Variants in CAMK2D observed in about 807,000 individuals in gnomAD.
The protein encoded by CAMK2D is calcium/calmodulin dependent protein kinase II delta, also known as calcium/calmodulin-dependent protein kinase type II subunit delta.
A neutral mutation model predicts 84.0 loss-of-function variants in CAMK2D; 37 were observed. That is an observed-to-expected ratio of 0.44 (90% confidence interval 0.34 to 0.58). CAMK2D has a LOEUF of 0.58. Among genes scored for constraint, CAMK2D ranks in the 20% least tolerant of loss-of-function variants. The pLI is 0.02. For synonymous variants in CAMK2D, 202 were observed against 212.5 expected, an observed-to-expected ratio of 0.95 and a Z score of 0.43; for missense variants, 448 against 652.5, an observed-to-expected ratio of 0.69 and a Z score of 3.41.
chr4:113,618,897 C>G (rs1332539709), intron 3 of CAMK2D, among the ~76,000 whole-genome samples: 1 of 152,008 alleles, frequency 6.6e-6, no homozygotes. Flanking sequence ...TCTAAGCCTT[C>G]GAGAGAACAG....
chr4:113,582,244 C>T (rs912359169), intron 4 of CAMK2D, among the ~76,000 whole-genome samples: 3 of 152,042 alleles, frequency 2.0e-5, no homozygotes, highest in Non-Finnish European at 2.9e-5. Flanking sequence ...ATAGGGTGTG[C>T]GTAGGATTTA....
At chr4:113,542,407 A>G (rs1309910479) in intron 6 of CAMK2D, among the ~76,000 whole-genome samples, 3 of 152,134 alleles carry the variant, frequency 2.0e-5, no homozygotes, top group Admixed American at 6.5e-5. Context: ...TGATATATCT[A>G]CTACCCATGG....
At chr4:113,700,941 G>A (rs1593238368) in intron 2 of CAMK2D, among the ~76,000 whole-genome samples, 1 of 152,212 alleles carries the variant, frequency 6.6e-6, no homozygotes, top group African/African-American at 2.4e-5. Context: ...CATCATCAGA[G>A]TAATTTCAAG....
intron 3 of CAMK2D, among the ~76,000 whole-genome samples, chr4:113,651,140 T>C (rs771542145): frequency 1.3e-5 from 2 of 152,196 alleles, no homozygotes; most frequent in Non-Finnish European, 2.9e-5. Context: ...CGTGAAAGAA[T>C]ATTTTAAGAG....
Position 113,543,768 on chromosome 4 carries a change from G to GTTTGTTTATTTA in CAMK2D, c.414+3875_414+3876insTAAATAAACAAA, listed in dbSNP as rs779428790. 3.0e-3 allele frequency among the ~76,000 whole-genome samples: 443 copies of GTTTGTTTATTTA among 146,710 alleles called. 1 individual carries two copies. The highest frequency in any genetic ancestry group is 0.01 in the African/African-American group (414 of 40,030). On this transcript the variant is annotated intron_variant, in intron 6 of 20. Coordinates refer to ENST00000511664, the MANE Select transcript of CAMK2D (RefSeq NM_001321571.2). ...CATAAAGAATCTATCTATCTATCAA[G>GTTTGTTTATTTA]TTTATTTATTTATTTATTTATTTAT...
intron 2 of CAMK2D, among the ~76,000 whole-genome samples, chr4:113,715,519 C>G (rs1217837743): frequency 2.0e-5 from 3 of 152,028 alleles, no homozygotes; most frequent in Non-Finnish European, 4.4e-5. Flanking sequence ...TCAACAGTAA[C>G]TAGAAAGTAT....
At chr4:113,670,577 C>T (rs1003656750) in intron 2 of CAMK2D, among the ~76,000 whole-genome samples, 9 of 151,912 alleles carry the variant, frequency 5.9e-5, no homozygotes, top group Admixed American at 2.0e-4. Context: ...ATAGTACTTT[C>T]CTTAGATGTA....
intron 2 of CAMK2D, among the ~76,000 whole-genome samples, chr4:113,691,166 C>T (rs2099385962): frequency 6.6e-6 from 1 of 152,164 alleles, no homozygotes; most frequent in Non-Finnish European, 1.5e-5. Flanking sequence ...GAACACCCTC[C>T]ATTAATATTA....
intron 2 of CAMK2D, among the ~76,000 whole-genome samples, chr4:113,743,081 A>G (rs1056715364): frequency 6.6e-6 from 1 of 152,162 alleles, no homozygotes; most frequent in Non-Finnish European, 1.5e-5. Flanking sequence ...TTCCAAAATG[A>G]CATCATTCTG....
Position 113,552,048 on chromosome 4 carries a change from G to A in CAMK2D, c.324C>T (p.Tyr108=), listed in dbSNP as rs1238748385. 6.3e-7 allele frequency: 1 copy of A among 1,583,240 alleles called. No homozygotes were observed. The highest frequency in any genetic ancestry group is 8.7e-7 in the Non-Finnish European group (1 of 1,154,614). Residue 108 remains tyrosine (Y), a synonymous_variant, in exon 5 of 21, where the codon TAC becomes TAT. Coordinates refer to ENST00000511664, the MANE Select transcript of CAMK2D (RefSeq NM_001321571.2). Reference sequence around the variant, plus strand: ...TCACTTACCTGGCATCAGCTTCACTGTAGTATTCTCTTGCCACTATGTCTT... The same window carrying A: ...TCACTTACCTGGCATCAGCTTCACTATAGTATTCTCTTGCCACTATGTCTT... ...LFEDIVAREY[Y]SEADASHCIQ...
intron 4 of CAMK2D, among the ~76,000 whole-genome samples, chr4:113,570,674 A>G (rs2098748579): frequency 6.6e-6 from 1 of 152,228 alleles, no homozygotes; most frequent in Admixed American, 6.5e-5. Flanking sequence ...ACTTAAATGT[A>G]AGATTTAAAA....
At chr4:113,640,260 G>A (rs914412899) in intron 3 of CAMK2D, among the ~76,000 whole-genome samples, 1 of 152,074 alleles carries the variant, frequency 6.6e-6, no homozygotes, top group Non-Finnish European at 1.5e-5. Flanking sequence ...GGAGAGAAAC[G>A]TTAAAACCTC....
chr4:113,696,187 GAC>G (rs1377743443), intron 2 of CAMK2D, among the ~76,000 whole-genome samples: 3 of 68,756 alleles, frequency 4.4e-5, no homozygotes, highest in Non-Finnish European at 5.7e-5. Flanking sequence ...CAGACACACA[GAC>G]ACACAGACAC....
chr4:113,517,523 C>A, intron 9 of CAMK2D, 40 bp downstream of exon 9: 1 of 951,746 alleles, frequency 1.1e-6, no homozygotes, highest in Non-Finnish European at 1.6e-6. Context: ...AGGCAAAAGA[C>A]AAACCTTCAT....
intron 2 of CAMK2D, among the ~76,000 whole-genome samples, chr4:113,725,281 T>C (rs1027455268): frequency 1.3e-5 from 2 of 152,092 alleles, no homozygotes; most frequent in Admixed American, 6.6e-5. Context: ...CACATAATTA[T>C]GTAAAGATAC....
At chr4:113,629,785 TA>T (rs75795050) in intron 3 of CAMK2D, among the ~76,000 whole-genome samples, 20,586 of 132,432 alleles carry the variant, frequency 0.16, 2,060 homozygotes, top group African/African-American at 0.28. Flanking sequence ...ATGTTCTTGG[TA>T]AAAAAAAAAA....
intron 16 of CAMK2D, 25 bp from the exon 17 acceptor site, chr4:113,465,629 G>C (rs1025707986): frequency 6.3e-6 from 9 of 1,429,912 alleles, no homozygotes; most frequent in Admixed American, 3.4e-5. Flanking sequence ...ATGGAGTTGG[G>C]TAAGAATAAA....
At chr4:113,634,228 C>T (rs186889516) in intron 3 of CAMK2D, among the ~76,000 whole-genome samples, 2 of 152,168 alleles carry the variant, frequency 1.3e-5, no homozygotes, top group African/African-American at 2.4e-5. Context: ...TTCATTTACA[C>T]GTTGTAGGGA....
intron 5 of CAMK2D, chr4:113,548,790 A>C: frequency 1.3e-6 from 1 of 762,482 alleles, no homozygotes; most frequent in Non-Finnish European, 2.3e-6. Context: ...AATCACATTG[A>C]ATATGAAATA....
Sources: gnomAD v4.1 joint callset for allele counts (sites outside exome capture counted in the v4.1 genomes callset) on GRCh38, gnomAD v4.1.1 for gene constraint, MANE v1.5 for transcripts, NCBI Gene and HGNC (gene_info 2026-07-23, HGNC 2026-07-21) for gene names.